The following EXOC6B variants were observed in gnomAD, a reference collection of about 807,000 sequenced individuals.
EXOC6B encodes SEC15 homolog B.
A neutral mutation model predicts 113.5 loss-of-function variants in EXOC6B; 54 were observed. That is an observed-to-expected ratio of 0.48 (90% CI 0.38 to 0.60). The LOEUF is 0.60. Among genes scored for constraint, EXOC6B ranks in the 20% least tolerant of loss-of-function variants. The pLI is 0.00. For synonymous variants in EXOC6B, 357 were observed against 339.0 expected (o/e 1.05, Z -0.58); for missense variants, 797 against 977.5 (o/e 0.82, Z 2.46).
intron 19 of EXOC6B, among the ~76,000 whole-genome samples, chr2:72,350,006 T>C (rs147132312): frequency 6.6e-6 from 1 of 152,228 alleles, no homozygotes; most frequent in East Asian, 1.9e-4. Flanking sequence ...GGTCAGAACA[T>C]AAAGTCCAAT....
intron 16 of EXOC6B, among the ~76,000 whole-genome samples, chr2:72,484,402 C>CAA (rs34881607): frequency 2.6e-4 from 34 of 131,582 alleles, no homozygotes; most frequent in Admixed American, 9.2e-4. Flanking sequence ...ACTAAAAATA[C>CAA]AAAAAAAAAA....
At chr2:72,248,223 T>TA (rs1301327218) in intron 20 of EXOC6B, among the ~76,000 whole-genome samples, 1 of 152,230 alleles carries the variant, frequency 6.6e-6, no homozygotes, top group Non-Finnish European at 1.5e-5. Context: ...CCATGACAGG[T>TA]ATAAGTACCT....
chr2:72,707,730 A>G (rs1015265499), intron 6 of EXOC6B, among the ~76,000 whole-genome samples: 4 of 152,102 alleles, frequency 2.6e-5, no homozygotes, highest in Non-Finnish European at 5.9e-5. Flanking sequence ...ATTTTTCATT[A>G]GAAAACAAAG....
intron 20 of EXOC6B, among the ~76,000 whole-genome samples, chr2:72,259,169 C>A (rs1466489590): frequency 6.6e-6 from 1 of 152,170 alleles, no homozygotes; most frequent in African/African-American, 2.4e-5. Flanking sequence ...TTTGATCACC[C>A]AGTACCACCT....
intron 20 of EXOC6B, among the ~76,000 whole-genome samples, chr2:72,284,000 A>G (rs1372814009): frequency 6.6e-6 from 1 of 152,144 alleles, no homozygotes; most frequent in African/African-American, 2.4e-5. Context: ...TAACCTCCTA[A>G]AACAGAAAGC....
intron 19 of EXOC6B, among the ~76,000 whole-genome samples, chr2:72,338,826 T>G (rs1004529674): frequency 8.0e-5 from 12 of 150,854 alleles, no homozygotes; most frequent in African/African-American, 2.9e-4. Flanking sequence ...TATGAGGGTG[T>G]TTTTTTTTCT....
intron 7 of EXOC6B, among the ~76,000 whole-genome samples, chr2:72,567,440 A>G (rs1704249912): frequency 6.6e-6 from 1 of 152,074 alleles, no homozygotes; most frequent in South Asian, 2.1e-4. Context: ...AAATACAAAT[A>G]CAGAATGACA....
At chr2:72,775,977 T>C (rs1046036928) in intron 1 of EXOC6B, among the ~76,000 whole-genome samples, 4 of 152,206 alleles carry the variant, frequency 2.6e-5, no homozygotes, top group African/African-American at 4.8e-5. Context: ...TATTATAGCA[T>C]TGTTTTGCAA....
At chr2:72,596,604 A>C (rs1347697994) in intron 6 of EXOC6B, among the ~76,000 whole-genome samples, 2 of 152,120 alleles carry the variant, frequency 1.3e-5, no homozygotes, top group African/African-American at 2.4e-5. Context: ...GAAGAAAAAG[A>C]AAGGTCAAGA....
At chr2:72,292,376 A>T (rs915142833) in intron 20 of EXOC6B, among the ~76,000 whole-genome samples, 28 of 152,150 alleles carry the variant, frequency 1.8e-4, no homozygotes, top group African/African-American at 6.5e-4. Flanking sequence ...TTGCAGAAGT[A>T]GTACAGAGTG....
intron 20 of EXOC6B, among the ~76,000 whole-genome samples, chr2:72,193,817 A>G (rs747851645): frequency 2.0e-5 from 3 of 152,150 alleles, no homozygotes; most frequent in African/African-American, 4.8e-5. Context: ...ATTTTAGCCT[A>G]GAGACTTCTC....
At chr2:72,317,678 AC>A (rs1292813904) in intron 20 of EXOC6B, among the ~76,000 whole-genome samples, 4 of 152,014 alleles carry the variant, frequency 2.6e-5, no homozygotes, top group African/African-American at 9.7e-5. Flanking sequence ...CTCATCACAC[AC>A]ATTCACTTTT....
intron 8 of EXOC6B, among the ~76,000 whole-genome samples, chr2:72,529,711 C>T (rs1701900655): frequency 6.6e-6 from 1 of 152,186 alleles, no homozygotes; most frequent in Non-Finnish European, 1.5e-5. Context: ...GATCCTCCTC[C>T]CTCGGCCTCC....
chr2:72,363,612 A>T lies in EXOC6B; in HGVS notation c.2122+16117T>A, dbSNP rs146914454. ...ACTGCTGCTACTGATGATGATGATG[A>T]TGATGATGATGATGACAAAAATAGG... is the stretch of plus-strand genomic sequence containing the variant. On this transcript the variant is annotated intron_variant, in intron 19 of 21. Coordinates refer to ENST00000272427, the MANE Select transcript of EXOC6B (RefSeq NM_015189.3). Among the ~76,000 whole-genome samples the T allele has an allele frequency of 5.5e-3, 843 of 152,120 alleles. 10 individuals are homozygous for T. Among genetic ancestry groups the T allele is most frequent in the African/African-American group, 0.019 (786 of 41,540 alleles).
chr2:72,464,812 A>C, intron 18 of EXOC6B: 1 of 257,160 alleles, frequency 3.9e-6, no homozygotes, highest in Non-Finnish European at 7.3e-6. Flanking sequence ...AAAAAAGTTA[A>C]AGAATATTCT....
intron 1 of EXOC6B, chr2:72,760,706 C>G (rs1682692697): frequency 6.6e-6 from 1 of 152,090 alleles, no homozygotes; most frequent in Admixed American, 6.6e-5. Context: ...TAACAAAACT[C>G]AAACCATAAA....
At chr2:72,377,434 C>G (rs1467884103) in intron 19 of EXOC6B, among the ~76,000 whole-genome samples, 1 of 151,956 alleles carries the variant, frequency 6.6e-6, no homozygotes, top group Non-Finnish European at 1.5e-5. Flanking sequence ...TCGCAATAGC[C>G]AAGATATGGA....
intron 2 of EXOC6B, among the ~76,000 whole-genome samples, chr2:72,737,727 C>A (rs1681053210): frequency 6.6e-6 from 1 of 151,914 alleles, no homozygotes. Context: ...GGTGGTGCAC[C>A]TGTAATTCCA....
At chr2:72,693,593 A>G (rs1435738003) in intron 6 of EXOC6B, among the ~76,000 whole-genome samples, 5 of 152,214 alleles carry the variant, frequency 3.3e-5, no homozygotes, top group Non-Finnish European at 5.9e-5. Context: ...AATGCACAAG[A>G]TCAAACAATA....
Sources: gnomAD v4.1 joint callset for allele counts (sites outside exome capture counted in the v4.1 genomes callset) on GRCh38, gnomAD v4.1.1 for gene constraint, MANE v1.5 for transcripts, NCBI Gene and HGNC (gene_info 2026-07-23, HGNC 2026-07-21) for gene names.